The following SLCO2B1 variants were observed in gnomAD, a reference collection of about 807,000 sequenced individuals.
The protein encoded by SLCO2B1 is OATP-RP2.
SLCO2B1 carries 41 observed loss-of-function variants against 67.3 expected under a neutral mutation model. That is an observed-to-expected ratio of 0.61 (90% confidence interval 0.47 to 0.79). The LOEUF (loss-of-function observed/expected upper bound fraction) is 0.79, where lower values mean the gene tolerates loss of function less well. Ranked by LOEUF, SLCO2B1 falls within the 30% of genes least tolerant of loss-of-function variation. The probability of loss-of-function intolerance (pLI) is 0.00; values close to 1 mark genes in which losing one functional copy is unlikely to be tolerated. For missense variants in SLCO2B1, 837 were observed against 920.1 expected (o/e 0.91, Z 1.17); for synonymous variants, 379 against 381.4 (o/e 0.99, Z 0.07).
chr11:75,203,274 C>A (rs774559899), intron 12 of SLCO2B1, 33 bp from the exon 13 acceptor site: 1 of 1,608,260 alleles, frequency 6.2e-7, no homozygotes, highest in South Asian at 1.1e-5. Context: ...GGACGGTGGG[C>A]CTTCATTGTC....
rs1313166010 is a variant in SLCO2B1 at position 75,166,006 on chromosome 11, C to T, written c.448+57C>T. 6 of 1,555,952 alleles carry T rather than the reference C, an allele frequency of 3.9e-6. No homozygotes were observed. The African/African-American group carries it at 4.1e-5, about 11-fold the overall frequency. On this transcript the variant is annotated intron_variant, in intron 4 of 13. Coordinates refer to ENST00000289575, the MANE Select transcript of SLCO2B1 (RefSeq NM_007256.5). ...ACGTTAGCCTCTGCATTGCTTTGCG[C>T]TGGGGCCCACCCCACAGGCATTCAT...
At chr11:75,173,037 A>G (rs1471845239) in intron 7 of SLCO2B1, among the ~76,000 whole-genome samples, 1 of 152,136 alleles carries the variant, frequency 6.6e-6, no homozygotes, top group East Asian at 1.9e-4. Context: ...TGCTGTCTCC[A>G]CAGCTGAGGA....
At chr11:75,159,397 C>T (rs975523489) in intron 1 of SLCO2B1, among the ~76,000 whole-genome samples, 6 of 152,226 alleles carry the variant, frequency 3.9e-5, no homozygotes, top group African/African-American at 1.2e-4. Context: ...CCTTCATTCC[C>T]GCAGGCAACC....
At chr11:75,162,807 G>A (rs1427957426) in intron 2 of SLCO2B1, 22 bp downstream of exon 2, 2 of 1,607,390 alleles carry the variant, frequency 1.2e-6, no homozygotes, top group South Asian at 1.1e-5. Flanking sequence ...GGCCTGGCAG[G>A]GGCCTCCGAG....
chr11:75,151,239 A>G lies in SLCO2B1; in HGVS notation c.-143A>G, dbSNP rs1351572664. ...CAAGAAGAACTGACCCCGTGTCTGG[A>G]GCTCCCACCGTTATTGCATCCCTGC... is the stretch of plus-strand genomic sequence containing the variant. On this transcript the variant is annotated 5_prime_UTR_variant, in exon 1 of 14. Coordinates refer to ENST00000289575, the MANE Select transcript of SLCO2B1 (RefSeq NM_007256.5). 1 of 676,926 alleles carries G rather than the reference A, an allele frequency of 1.5e-6. No individual in the cohort carries two copies. Among genetic ancestry groups the G allele is most frequent in the Non-Finnish European group, 2.6e-6 (1 of 386,346 alleles). The allele number at this position is 676,926 out of a possible 1,614,324, so 41.9% of individuals were successfully genotyped here. A position where few individuals can be genotyped will look rare whatever the true frequency, so the allele number is the denominator to read the frequency against.
At position 75,169,292 on chromosome 11, in the gene SLCO2B1, G is replaced by C; in HGVS notation, c.568G>C (p.Gly190Arg). ...YTETQHLSVV[G>R]IMFVAQTLLG... ...AGAAACCCAGCATCTGAGTGTGGTG[G>C]GGATCATGTTCGTGGCACAGACCCT... Residue 190 changes from glycine (G) to arginine (R), a missense_variant, in exon 5 of 14, where the codon GGG (glycine) becomes CGG (arginine). Gly to Arg is a moderately radical substitution (Grantham distance 125, BLOSUM62 -2). Transcript: ENST00000289575. 2 of 1,614,134 alleles carry C rather than the reference G, an allele frequency of 1.2e-6. No individual in the cohort carries two copies. The highest frequency in any genetic ancestry group is 8.5e-7 in the Non-Finnish European group (1 of 1,180,020).
chr11:75,171,463 G>A (rs1040783711), intron 6 of SLCO2B1, among the ~76,000 whole-genome samples: 1 of 152,128 alleles, frequency 6.6e-6, no homozygotes, highest in Non-Finnish European at 1.5e-5. Context: ...TCACTATGTT[G>A]CTCAGGGTGG....
chr11:75,157,947 GGCCCAAATT>G, intron 1 of SLCO2B1, among the ~76,000 whole-genome samples: 1 of 152,166 alleles, frequency 6.6e-6, no homozygotes, highest in East Asian at 1.9e-4. Flanking sequence ...CACTGCGCCT[GGCCCAAATT>G]TATTTAATAT....
intron 7 of SLCO2B1, among the ~76,000 whole-genome samples, chr11:75,173,436 GC>G (rs921018513): frequency 2.0e-5 from 3 of 152,204 alleles, no homozygotes; most frequent in African/African-American, 4.8e-5. Context: ...TGGAGTGCAG[GC>G]CCCAGGCTGG....
rs926914954 is a variant in SLCO2B1, at chr11:75,203,120, G to A, written c.1828+155G>A. 1.3e-4 allele frequency: 146 copies of A among 1,110,096 alleles called. 2 individuals carry two copies. The highest frequency in any genetic ancestry group is 1.2e-3 in the South Asian group (95 of 76,446). 68.8% of individuals were successfully genotyped at this position (1,110,096 alleles called of 1,614,324 possible). On this transcript the variant is annotated intron_variant, in intron 12 of 13. Transcript: ENST00000289575. The stretch of plus-strand genomic sequence containing the variant: ...AGACCTGGCCCAGCTCTCCTAGAGC[G>A]GGGTATAGAGGCAGAGTCTAGACAG...
chr11:75,200,326 G>T lies in SLCO2B1; in HGVS notation c.1702G>T (p.Val568Phe), dbSNP rs1023112273. The change falls in exon 11 of 14, where the codon GTC becomes TTC. Residue 568 changes from valine to phenylalanine, a missense_variant. By Grantham distance (50) the Val-to-Phe change is conservative. Coordinates refer to ENST00000289575, the MANE Select transcript of SLCO2B1 (RefSeq NM_007256.5). ...TCTGGTGGTGCCCTTCCTGCTCCTG[G>T]TCAGCCTGGGCTCGGCCCTGGCCTG... ...SHLVVPFLLL[V>F]SLGSALACLT... 6.2e-7 allele frequency: 1 copy of T among 1,613,612 alleles called. No individual in the cohort carries two copies. Among genetic ancestry groups the T allele is most frequent in the East Asian group, 2.2e-5 (1 of 44,862 alleles).
chr11:75,158,288 C>T (rs1376535809), intron 1 of SLCO2B1, among the ~76,000 whole-genome samples: 1 of 152,176 alleles, frequency 6.6e-6, no homozygotes, highest in African/African-American at 2.4e-5. Context: ...GTTGCCCAGG[C>T]TGGTTTATTA....
At chr11:75,191,025 GGA>G (rs1366569086) in intron 8 of SLCO2B1, among the ~76,000 whole-genome samples, 1 of 152,222 alleles carries the variant, frequency 6.6e-6, no homozygotes. Context: ...TGGATGCTGA[GGA>G]GAGATGGGGG....
chr11:75,161,535 G>A (rs916132041), intron 1 of SLCO2B1, among the ~76,000 whole-genome samples: 2 of 152,142 alleles, frequency 1.3e-5, no homozygotes, highest in Non-Finnish European at 2.9e-5. Context: ...GGCCTCCGTA[G>A]CCCCCTCCCT....
chr11:75,182,610 C>T (rs568206714), intron 7 of SLCO2B1, among the ~76,000 whole-genome samples: 16 of 152,062 alleles, frequency 1.1e-4, no homozygotes, highest in African/African-American at 3.6e-4. Flanking sequence ...GGTGTGGTGG[C>T]GTGTGCTTGT....
At chr11:75,178,193 T>G (rs1485438996) in intron 7 of SLCO2B1, among the ~76,000 whole-genome samples, 1 of 152,080 alleles carries the variant, frequency 6.6e-6, no homozygotes, top group African/African-American at 2.4e-5. Flanking sequence ...GTCAGGTGCG[T>G]CTACCATGCA....
intron 6 of SLCO2B1, among the ~76,000 whole-genome samples, chr11:75,171,675 C>T (rs1949962072): frequency 6.6e-6 from 1 of 152,166 alleles, no homozygotes; most frequent in Non-Finnish European, 1.5e-5. Flanking sequence ...CCAGGAGGTA[C>T]ACCTGGGATA....
chr11:75,181,833 C>T (rs1048832302), intron 7 of SLCO2B1, among the ~76,000 whole-genome samples: 1 of 152,206 alleles, frequency 6.6e-6, no homozygotes, highest in Non-Finnish European at 1.5e-5. Flanking sequence ...CACTGCAATC[C>T]CTGCACTGAG....
In SLCO2B1 at chr11:75,165,801, C is replaced by T; in HGVS notation, c.300C>T (p.Ala100=). The change falls in exon 4 of 14, where the codon GCC becomes GCT. Residue 100 remains alanine, a synonymous_variant. Coordinates refer to ENST00000289575, the MANE Select transcript of SLCO2B1 (RefSeq NM_007256.5). The part of the protein sequence containing the change: ...LASFNEVGNT[A]LIVFVSYFGS... ...TCCTTTTGCAGGTGGGGAACACAGC[C>T]TTGATTGTGTTTGTGAGCTATTTTG... 6.2e-7 allele frequency: 1 copy of T among 1,614,166 alleles called. No homozygotes were observed. The highest frequency in any genetic ancestry group is 8.5e-7 in the Non-Finnish European group (1 of 1,179,998).
Sources: gnomAD v4.1 joint callset for allele counts (sites outside exome capture counted in the v4.1 genomes callset) on GRCh38, gnomAD v4.1.1 for gene constraint, MANE v1.5 for transcripts, NCBI Gene and HGNC (gene_info 2026-07-23, HGNC 2026-07-21) for gene names.